Variants in PPP2R5C observed in about 807,000 individuals in gnomAD.
The protein encoded by PPP2R5C is protein phosphatase 2 regulatory subunit B'gamma.
A neutral mutation model predicts 68.9 loss-of-function variants in PPP2R5C; 7 were observed. That is an observed-to-expected ratio of 0.10 (90% CI 0.06 to 0.19). The LOEUF (loss-of-function observed/expected upper bound fraction) is 0.19. PPP2R5C is among the 10% of genes least tolerant of loss of function. PPP2R5C has a pLI of 1.00. For synonymous variants in PPP2R5C, 210 were observed against 222.2 expected (o/e 0.95, Z 0.49); for missense variants, 348 against 641.3 (o/e 0.54, Z 4.94).
intron 3 of PPP2R5C, among the ~76,000 whole-genome samples, chr14:101,801,317 G>A (rs184302537): frequency 1.3e-5 from 2 of 152,044 alleles, no homozygotes; most frequent in Non-Finnish European, 2.9e-5. Flanking sequence ...AATATCACAT[G>A]TCCCCTCCAA....
At chr14:101,822,193 CTTGA>C (rs1396047798) in intron 1 of PPP2R5C, among the ~76,000 whole-genome samples, 2 of 151,250 alleles carry the variant, frequency 1.3e-5, no homozygotes, top group Non-Finnish European at 2.9e-5. Flanking sequence ...TACTGAGCTT[CTTGA>C]TTAAGTCACC....
At chr14:101,837,466 A>G (rs970353429) in intron 1 of PPP2R5C, among the ~76,000 whole-genome samples, 5 of 152,172 alleles carry the variant, frequency 3.3e-5, no homozygotes, top group African/African-American at 1.2e-4. Context: ...TAAGTTTTTA[A>G]ACTTAATATA....
chr14:101,886,254 C>T (rs1409017794), intron 5 of PPP2R5C, among the ~76,000 whole-genome samples: 1 of 150,158 alleles, frequency 6.7e-6, no homozygotes. Context: ...GCACTCCAGC[C>T]TGGGCGACAG....
upstream of PPP2R5C, among the ~76,000 whole-genome samples, chr14:101,805,819 T>A (rs182210954): frequency 4.6e-5 from 7 of 152,334 alleles, no homozygotes; most frequent in Admixed American, 3.9e-4. Context: ...ACAAACGCTG[T>A]AAGATCTCCT....
At chr14:101,919,984 A>AAC in intron 13 of PPP2R5C, among the ~76,000 whole-genome samples, 1 of 151,476 alleles carries the variant, frequency 6.6e-6, no homozygotes, top group Non-Finnish European at 1.5e-5. Flanking sequence ...AAAAAAAAAA[A>AAC]AAAAAAAACC....
exon 14 of PPP2R5C, chr14:101,925,763 A>G (rs1479911010): frequency 6.5e-6 from 1 of 153,188 alleles, no homozygotes; most frequent in Admixed American, 6.5e-5. Context: ...TTTCAATCTC[A>G]GTGAAATGGC....
chr14:101,831,814 G>A lies in PPP2R5C; in HGVS notation c.94+21778G>A, dbSNP rs558248717. 12 of 700,098 alleles carry A rather than the reference G, an allele frequency of 1.7e-5. 1 individual carries two copies. The highest frequency in any genetic ancestry group is 1.6e-4 in the South Asian group (11 of 67,358). 43.4% of individuals were successfully genotyped at this position (700,098 alleles called of 1,614,324 possible). On this transcript the variant is annotated intron_variant, in intron 1 of 13. Coordinates refer to ENST00000334743, the Ensembl canonical transcript of PPP2R5C. ...ATATGCGTGGATTTGGGTAAGCGTG[G>A]TGGTCCTAGAAGCAATCCCCAACAT... is the stretch of plus-strand genomic sequence containing the variant.
intron 2 of PPP2R5C, among the ~76,000 whole-genome samples, chr14:101,775,328 G>T (rs538554514): frequency 7.2e-5 from 11 of 152,186 alleles, no homozygotes; most frequent in Non-Finnish European, 1.5e-4. Flanking sequence ...AAACATCTAG[G>T]AGAGAGGCTT....
At chr14:101,908,457 T>A (rs1210925773) in intron 10 of PPP2R5C, among the ~76,000 whole-genome samples, 2 of 152,194 alleles carry the variant, frequency 1.3e-5, no homozygotes, top group African/African-American at 2.4e-5. Context: ...CACTGCAGCC[T>A]CCACCTCCCA....
chr14:101,889,959 T>C (rs922654508), intron 5 of PPP2R5C: 2 of 548,184 alleles, frequency 3.6e-6, no homozygotes, highest in South Asian at 1.5e-5. Context: ...GTGTTCACTG[T>C]AGAATTCTTT....
chr14:101,872,362 C>T (rs909466597), intron 2 of PPP2R5C, among the ~76,000 whole-genome samples: 4 of 151,674 alleles, frequency 2.6e-5, no homozygotes, highest in African/African-American at 7.3e-5. Flanking sequence ...CAACTCTGCC[C>T]CAGTAGCTGG....
exon 14 of PPP2R5C, chr14:101,927,016 T>C (rs2047312584): frequency 6.6e-6 from 1 of 152,168 alleles, no homozygotes; most frequent in African/African-American, 2.4e-5. Flanking sequence ...AAAAAAACAG[T>C]TTAGATGCCT....
chr14:101,778,114 A>G (rs2037511121), intron 2 of PPP2R5C, among the ~76,000 whole-genome samples: 1 of 152,232 alleles, frequency 6.6e-6, no homozygotes, highest in South Asian at 2.1e-4. Context: ...TAGGTATCCC[A>G]GCAGGTGTGA....
At chr14:101,927,410 C>G (rs2047325428) in exon 14 of PPP2R5C, 1 of 152,630 alleles carries the variant, frequency 6.6e-6, no homozygotes, top group Non-Finnish European at 1.5e-5. Context: ...TACTCGGACT[C>G]CTGTGCTAAT....
chr14:101,823,520 T>C (rs1595272378), intron 1 of PPP2R5C: 1 of 155,058 alleles, frequency 6.4e-6, no homozygotes, highest in Non-Finnish European at 1.4e-5. Context: ...GAGGCTGTTA[T>C]TGTTTGTCAT....
At chr14:101,912,712 A>AG in intron 12 of PPP2R5C, 6 of 786,680 alleles carry the variant, frequency 7.6e-6, no homozygotes, top group Non-Finnish European at 1.0e-5. Flanking sequence ...ATAAGATCTG[A>AG]ATCTTATGCA....
intron 8 of PPP2R5C, 49 bp from the exon 11 acceptor site, chr14:101,901,670 G>C: frequency 6.3e-7 from 1 of 1,585,950 alleles, no homozygotes; most frequent in Non-Finnish European, 8.6e-7. Flanking sequence ...CCATGCAGGT[G>C]TTGGGGCCTC....
intron 3 of PPP2R5C, among the ~76,000 whole-genome samples, chr14:101,799,840 G>C (rs534535654): frequency 6.6e-6 from 1 of 152,296 alleles, no homozygotes; most frequent in South Asian, 2.1e-4. Flanking sequence ...CATTTATCCA[G>C]ATTTCCTTGG....
chr14:101,823,779 G>A (rs1346153876), intron 1 of PPP2R5C: 1 of 1,130,716 alleles, frequency 8.8e-7, no homozygotes, highest in African/African-American at 1.6e-5. Flanking sequence ...AGCATGCACT[G>A]AGCCTGCTCT....
Sources: gnomAD v4.1 joint callset for allele counts (sites outside exome capture counted in the v4.1 genomes callset) on GRCh38, gnomAD v4.1.1 for gene constraint, MANE v1.5 for transcripts, NCBI Gene and HGNC (gene_info 2026-07-23, HGNC 2026-07-21) for gene names.